HNRNPH1: variants seen among roughly 807,000 people sequenced by gnomAD.
HNRNPH1 encodes the protein heterogeneous nuclear ribonucleoprotein H1, also known as heterogeneous nuclear ribonucleoprotein H.
HNRNPH1 carries 4 observed loss-of-function variants against 58.6 expected under a neutral mutation model. The observed-to-expected ratio is 0.07, with a 90% CI of 0.03 to 0.16. The LOEUF is 0.16. Among genes scored for constraint, HNRNPH1 ranks in the 10% least tolerant of loss-of-function variants. HNRNPH1 has a pLI of 1.00. For missense variants in HNRNPH1, 271 were observed against 564.2 expected (o/e 0.48, Z 5.26); for synonymous variants, 192 against 189.2 (o/e 1.01, Z -0.12).
chr5:179,632,611 G>A (rs574755399), intron 2 of HNRNPH1, among the ~76,000 whole-genome samples: 3 of 152,352 alleles, frequency 2.0e-5, no homozygotes, highest in Admixed American at 2.0e-4. Context: ...GCCACCTGAG[G>A]AGGGACCGAG....
chr5:179,619,825 A>G (rs1771429581), intron 3 of HNRNPH1: 1 of 152,822 alleles, frequency 6.5e-6, no homozygotes. Context: ...TTAAAAAGGT[A>G]TACATTTACA....
intron 7 of HNRNPH1, 43 bp downstream of exon 8, chr5:179,617,756 T>G (rs1357117965): frequency 1.2e-6 from 2 of 1,610,474 alleles, no homozygotes; most frequent in Middle Eastern, 1.7e-4. Context: ...GCTGACTTAC[T>G]GCCATACTGA....
intron 2 of HNRNPH1, among the ~76,000 whole-genome samples, chr5:179,630,096 C>G (rs1248796064): frequency 6.6e-6 from 1 of 152,108 alleles, no homozygotes; most frequent in Non-Finnish European, 1.5e-5. Context: ...TGCCTGTAAT[C>G]CCAGCACTTT....
In HNRNPH1 at chr5:179,617,506, A is replaced by G; in HGVS notation, c.1057+8T>C. 1 of 1,611,838 alleles carries G rather than the reference A, an allele frequency of 6.2e-7. No homozygotes were observed. Among genetic ancestry groups the G allele is most frequent in the South Asian group, 1.1e-5 (1 of 90,654 alleles). ...GTTAAGAGCCCACAAATGCTCAATC[A>G]CACTTACGCATATTTGCTTTGTCTT... On this transcript the variant is annotated splice_region_variant and intron_variant, in intron 8 of 12. Coordinates refer to ENST00000356731, the Ensembl canonical transcript of HNRNPH1.
chr5:179,621,112 G>T, intron 2 of HNRNPH1, 77 bp from the exon 4 acceptor site: 2 of 1,528,076 alleles, frequency 1.3e-6, no homozygotes, highest in South Asian at 1.1e-5. Flanking sequence ...CTTTAGATAA[G>T]CTAGGAAGAG....
intron 2 of HNRNPH1, among the ~76,000 whole-genome samples, chr5:179,633,039 A>G (rs1046334529): frequency 2.6e-5 from 4 of 151,236 alleles, no homozygotes; most frequent in Admixed American, 2.0e-4. Flanking sequence ...TTGTATTTTT[A>G]GTAGAGACGG....
intron 4 of HNRNPH1, chr5:179,619,017 G>C: frequency 3.6e-6 from 1 of 280,400 alleles, no homozygotes; most frequent in East Asian, 6.5e-5. Context: ...TAAAGCCATA[G>C]TCTCTCAACT....
At chr5:179,614,883 C>T (rs1262789776) in exon 13 of HNRNPH1, 3 of 1,548,994 alleles carry the variant, frequency 1.9e-6, no homozygotes, top group Admixed American at 2.0e-5. Context: ...TGCTAGACAA[C>T]CCTCCCATTC....
At chr5:179,631,687 C>G (rs1009968368) in intron 2 of HNRNPH1, among the ~76,000 whole-genome samples, 1 of 151,936 alleles carries the variant, frequency 6.6e-6, no homozygotes, top group African/African-American at 2.4e-5. Context: ...TTGGACGTTG[C>G]GATGAGCTGA....
chr5:179,618,874 T>C (rs1373212102), intron 4 of HNRNPH1: 3 of 161,386 alleles, frequency 1.9e-5, no homozygotes, highest in Admixed American at 6.4e-5. Context: ...AGAATATTTA[T>C]ATACAGCAAG....
chr5:179,629,730 A>G (rs1382678410), intron 2 of HNRNPH1, among the ~76,000 whole-genome samples: 2 of 152,208 alleles, frequency 1.3e-5, no homozygotes, highest in African/African-American at 4.8e-5. Context: ...ATTTCTTAAT[A>G]ATATGAAGTA....
chr5:179,622,054 G>A (rs1772653821), intron 1 of HNRNPH1: 1 of 451,654 alleles, frequency 2.2e-6, no homozygotes, highest in Non-Finnish European at 4.4e-6. Context: ...ATTTTAATCA[G>A]TCTAATTTCT....
At chr5:179,617,466 G>C (rs766388064) in intron 8 of HNRNPH1, 48 bp downstream of exon 9, 2 of 1,581,700 alleles carry the variant, frequency 1.3e-6, no homozygotes, top group Admixed American at 3.6e-5. Flanking sequence ...GTAAATGTTA[G>C]TCACACAATC....
At chr5:179,614,866 C>CTGG in exon 13 of HNRNPH1, 1 of 1,516,658 alleles carries the variant, frequency 6.6e-7, no homozygotes, top group Non-Finnish European at 8.9e-7. Flanking sequence ...ACCACTCATA[C>CTGG]TGGACATGCT....
intron 10 of HNRNPH1, chr5:179,616,537 A>G (rs1357465100): frequency 7.8e-6 from 4 of 512,004 alleles, no homozygotes; most frequent in African/African-American, 1.9e-5. Flanking sequence ...TCAGTTTGAT[A>G]CATCAAAGGC....
upstream of HNRNPH1, among the ~76,000 whole-genome samples, chr5:179,627,440 A>C (rs1581765053): frequency 1.4e-5 from 2 of 146,870 alleles, no homozygotes; most frequent in African/African-American, 2.5e-5. Flanking sequence ...CAATTCTCCC[A>C]CCTTGGCCTC....
At chr5:179,619,196 T>TA in intron 4 of HNRNPH1, 73 bp downstream of exon 5, 2 of 1,289,434 alleles carry the variant, frequency 1.6e-6, no homozygotes, top group South Asian at 1.6e-5. Context: ...TTTCTTCTTT[T>TA]AAGCAGAGAG....
intron 3 of HNRNPH1, among the ~76,000 whole-genome samples, chr5:179,620,206 A>G (rs1322943043): frequency 6.6e-6 from 1 of 152,232 alleles, no homozygotes; most frequent in Non-Finnish European, 1.5e-5. Flanking sequence ...TCCTGCTTCC[A>G]GCGTATCACA....
exon 1 of HNRNPH1, chr5:179,623,251 ACGGAGCAAAAACCGGG>A (rs1773602863): frequency 2.9e-5 from 18 of 616,222 alleles, no homozygotes; most frequent in Non-Finnish European, 5.0e-5. Flanking sequence ...CCGCCCCCCC[ACGGAGCAAAAACCGGG>A]CGGATGCACC....
Sources: allele counts gnomAD v4.1 joint callset (sites outside exome capture counted in the v4.1 genomes callset), GRCh38; gene constraint gnomAD v4.1.1; transcripts MANE v1.5; gene names NCBI Gene and HGNC (gene_info 2026-07-23, HGNC 2026-07-21).